RIMS1: variants seen among roughly 807,000 people sequenced by gnomAD.
The protein encoded by RIMS1 is regulating synaptic membrane exocytosis protein 1.
Under a neutral mutation model 214.1 loss-of-function variants are expected in RIMS1, and 83 were observed. That is an observed-to-expected ratio of 0.39 (90% confidence interval 0.32 to 0.47). The LOEUF is 0.47. Ranked by LOEUF, RIMS1 falls within the 20% of genes least tolerant of loss-of-function variation. RIMS1 has a pLI of 0.99. For missense variants in RIMS1, 2,050 were observed against 2,161.8 expected (o/e 0.95, Z 1.03); for synonymous variants, 793 against 786.8 (o/e 1.01, Z -0.13).
Position 72,237,924 on chromosome 6 carries a change from TAA to T in RIMS1, c.1957+4_1957+5del, listed in dbSNP as rs755711003. The T allele has an allele frequency of 6.3e-7, 1 of 1,595,874 alleles. No individual in the cohort carries two copies. Among genetic ancestry groups the T allele is most frequent in the Admixed American group, 1.8e-5 (1 of 57,034 alleles). On this transcript the variant is annotated splice_donor_region_variant and intron_variant, in intron 9 of 33. Transcript: ENST00000521978. ...ATGTAGTTGGACACCTAAGAGCAGG[TAA>T]AGTTTCTTTTTTTAATATTTAAACA...
At chr6:72,019,375 C>G (rs374598577) in intron 2 of RIMS1, among the ~76,000 whole-genome samples, 44 of 152,214 alleles carry the variant, frequency 2.9e-4, no homozygotes, top group Middle Eastern at 3.4e-3. Context: ...GTTCACTTGC[C>G]AGTGCTCAAG....
rs143739869 is a variant in RIMS1 at position 72,087,554 on chromosome 6, C to T, written c.246-9395C>T. The stretch of plus-strand genomic sequence containing the variant: ...AAGGTTGACTAACTTTATCAAAACA[C>T]TCTCATAATAAGCAGATGTCATCAT... On this transcript the variant is annotated intron_variant, in intron 2 of 33. Transcript: ENST00000521978. 9.9e-5 allele frequency among the ~76,000 whole-genome samples: 15 copies of T among 152,268 alleles called. No homozygotes were observed. In the East Asian group the frequency reaches 2.9e-3, roughly 29 times the overall value.
rs184690044 is a variant in RIMS1, at chr6:72,005,801, C to T, written c.245+36738C>T. Reference sequence around the variant, plus strand: ...TAGTTTGATCTCTCCTGACATGGGACATGTAGATTAGTGGGAGGCAAAATA... The same window carrying T: ...TAGTTTGATCTCTCCTGACATGGGATATGTAGATTAGTGGGAGGCAAAATA... On this transcript the variant is annotated intron_variant, in intron 2 of 33. Coordinates refer to ENST00000521978, the MANE Select transcript of RIMS1 (RefSeq NM_014989.7). 2.6e-5 allele frequency among the ~76,000 whole-genome samples: 4 copies of T among 152,260 alleles called. No individual in the cohort carries two copies. The East Asian group carries it at 7.7e-4, about 29-fold the overall frequency.
intron 1 of RIMS1, among the ~76,000 whole-genome samples, chr6:71,921,149 G>A (rs143716507): frequency 2.2e-4 from 33 of 152,086 alleles, no homozygotes; most frequent in African/African-American, 7.7e-4. Flanking sequence ...TATTTTTTGA[G>A]ACAGAGTCTT....
chr6:72,392,221 AAT>A (rs777434538), intron 30 of RIMS1, among the ~76,000 whole-genome samples: 28 of 152,206 alleles, frequency 1.8e-4, no homozygotes, highest in Non-Finnish European at 3.8e-4. Flanking sequence ...ATTGGAACCA[AAT>A]AAAAGTCTCA....
At chr6:72,372,452 C>T (rs1387577454) in intron 29 of RIMS1, among the ~76,000 whole-genome samples, 1 of 152,000 alleles carries the variant, frequency 6.6e-6, no homozygotes, top group East Asian at 1.9e-4. Context: ...GTAGGTGAAA[C>T]ATTAAAATCT....
chr6:71,954,474 T>C (rs988331321), intron 1 of RIMS1, among the ~76,000 whole-genome samples: 8 of 152,184 alleles, frequency 5.3e-5, no homozygotes, highest in African/African-American at 1.9e-4. Flanking sequence ...TAAACCTGTT[T>C]CTTAGCTTTA....
chr6:71,988,328 T>G (rs1197152094), intron 2 of RIMS1, among the ~76,000 whole-genome samples: 1 of 152,172 alleles, frequency 6.6e-6, no homozygotes, highest in Non-Finnish European at 1.5e-5. Flanking sequence ...TGCCATTTCC[T>G]TGTCTATCTT....
intron 2 of RIMS1, among the ~76,000 whole-genome samples, chr6:72,024,461 GA>G (rs1395857938): frequency 6.6e-6 from 1 of 152,092 alleles, no homozygotes; most frequent in Non-Finnish European, 1.5e-5. Context: ...ATGAAATAAT[GA>G]ATGTAAAGTG....
At chr6:72,220,986 G>T (rs1216215016) in intron 6 of RIMS1, among the ~76,000 whole-genome samples, 1 of 152,004 alleles carries the variant, frequency 6.6e-6, no homozygotes, top group African/African-American at 2.4e-5. Flanking sequence ...CACAGAATAA[G>T]GGGCTCTAAA....
At chr6:72,008,787 A>G (rs1808954870) in intron 2 of RIMS1, among the ~76,000 whole-genome samples, 1 of 152,230 alleles carries the variant, frequency 6.6e-6, no homozygotes. Context: ...TCCTAAATAT[A>G]TATGCATGCA....
intron 1 of RIMS1, among the ~76,000 whole-genome samples, chr6:71,951,311 T>G (rs1301776014): frequency 6.6e-6 from 1 of 152,148 alleles, no homozygotes; most frequent in Non-Finnish European, 1.5e-5. Flanking sequence ...TTGTTTTGTT[T>G]TTTCTTGTTT....
intron 2 of RIMS1, among the ~76,000 whole-genome samples, chr6:71,977,712 A>T (rs1486860895): frequency 6.6e-6 from 1 of 152,090 alleles, no homozygotes; most frequent in Admixed American, 6.6e-5. Flanking sequence ...TTCCAGGCAG[A>T]AAGGATGATG....
chr6:72,121,461 G>A lies in RIMS1; in HGVS notation c.471+21475G>A, dbSNP rs553470917. ...TGATTTGGCTCTCTGTTTGTCTGTT[G>A]TTGGTGTATAGGAATGCTTGTGATT... On this transcript the variant is annotated intron_variant, in intron 4 of 33. Coordinates refer to ENST00000521978, the MANE Select transcript of RIMS1 (RefSeq NM_014989.7). Among the ~76,000 whole-genome samples, 16 of 151,824 alleles carry A rather than the reference G, an allele frequency of 1.1e-4. No individual in the cohort carries two copies. The South Asian group carries it at 2.1e-3, about 20-fold the overall frequency.
intron 2 of RIMS1, among the ~76,000 whole-genome samples, chr6:71,992,393 T>TC (rs1333849131): frequency 1.2e-5 from 1 of 83,670 alleles, no homozygotes; most frequent in Non-Finnish European, 2.4e-5. Context: ...TGCTTCTTTC[T>TC]TTCTCTCTCT....
rs2048575965 is a variant in RIMS1 at position 72,183,109 on chromosome 6, C to T, written c.1638C>T (p.Cys546=). The T allele has an allele frequency of 1.9e-6, 3 of 1,591,640 alleles. No homozygotes were observed. Among genetic ancestry groups the T allele is most frequent in the South Asian group, 1.1e-5 (1 of 87,474 alleles). ...EGVSTPEYTS[C]EDVELESESV... is the part of the protein sequence containing the mutation. ...TGTCGACGCCCGAGTACACCAGCTG[C>T]GAGGACGTGGAGCTGGAGAGCGAGA... Residue 546 remains cysteine (C), a synonymous_variant, in exon 6 of 34, where the codon TGC becomes TGT. Transcript: ENST00000521978.
At chr6:72,056,340 C>A (rs1015420610) in intron 2 of RIMS1, among the ~76,000 whole-genome samples, 1 of 152,076 alleles carries the variant, frequency 6.6e-6, no homozygotes, top group Admixed American at 6.6e-5. Context: ...GTGACAAAAT[C>A]ATCTGTATAC....
At chr6:71,956,744 T>C (rs180944844) in intron 1 of RIMS1, among the ~76,000 whole-genome samples, 3 of 152,116 alleles carry the variant, frequency 2.0e-5, no homozygotes, top group East Asian at 3.9e-4. Flanking sequence ...AGTTATGGAG[T>C]CCTCTTGTGG....
At chr6:72,131,715 G>C (rs1044237119) in intron 4 of RIMS1, among the ~76,000 whole-genome samples, 2 of 152,196 alleles carry the variant, frequency 1.3e-5, no homozygotes, top group African/African-American at 4.8e-5. Flanking sequence ...ACAGGGCTTT[G>C]AGAGCAACTG....
Sources: gnomAD v4.1 joint callset for allele counts (sites outside exome capture counted in the v4.1 genomes callset) on GRCh38, gnomAD v4.1.1 for gene constraint, MANE v1.5 for transcripts, NCBI Gene and HGNC (gene_info 2026-07-23, HGNC 2026-07-21) for gene names.